ADGRA2: variants seen among roughly 807,000 people sequenced by gnomAD.
The protein encoded by ADGRA2 is G-protein coupled receptor 124.
A neutral mutation model predicts 98.7 loss-of-function variants in ADGRA2; 61 were observed. That is an observed-to-expected ratio of 0.62 (90% CI 0.50 to 0.76). ADGRA2 has a LOEUF of 0.76. ADGRA2 is among the 30% of genes least tolerant of loss of function. The probability of loss-of-function intolerance (pLI) is 0.00; values close to 1 mark genes in which losing one functional copy is unlikely to be tolerated. For missense variants in ADGRA2, 1,712 were observed against 1,860.0 expected, an observed-to-expected ratio of 0.92 and a Z score of 1.46; for synonymous variants, 858 against 831.5, an observed-to-expected ratio of 1.03 and a Z score of -0.55.
rs548258797 is a variant in ADGRA2 at position 37,817,994 on chromosome 8, G to A, written c.338+3027G>A. The stretch of plus-strand genomic sequence containing the variant: ...ACGCCATTGTACTCATTGTACTCCA[G>A]CCTGGGCAACAGAGCAAGACTCCGT... On this transcript the variant is annotated intron_variant, in intron 2 of 18. Coordinates refer to ENST00000412232, the MANE Select transcript of ADGRA2 (RefSeq NM_032777.10). Among the ~76,000 whole-genome samples the A allele has an allele frequency of 4.0e-4, 61 of 152,300 alleles. 1 individual carries two copies. The East Asian group carries it at 0.011, about 28-fold the overall frequency.
At position 37,840,856 on chromosome 8, in the gene ADGRA2, ACCCCTCCCT is replaced by A; in HGVS notation, c.2747+11_2747+19del. ...ACCGGGACCACAGCCCCTAGTGAGC[ACCCCTCCCT>A]CCCGCCCCAAGCCTACCTACCTAAC... On this transcript the variant is annotated splice_region_variant and intron_variant, in intron 18 of 18. Coordinates refer to ENST00000412232, the MANE Select transcript of ADGRA2 (RefSeq NM_032777.10). 6.7e-7 allele frequency: 1 copy of A among 1,483,354 alleles called. No homozygotes were observed. The highest frequency in any genetic ancestry group is 9.4e-7 in the Non-Finnish European group (1 of 1,067,530). The allele number at this position is 1,483,354 out of a possible 1,614,324, so 91.9% of individuals were successfully genotyped here. A position where few individuals can be genotyped will look rare whatever the true frequency, so the allele number is the denominator to read the frequency against.
At chr8:37,831,367 G>T in intron 7 of ADGRA2, 56 bp from the exon 8 acceptor site, 1 of 1,562,218 alleles carries the variant, frequency 6.4e-7, no homozygotes, top group Non-Finnish European at 8.7e-7. Flanking sequence ...CTGAGGGAGG[G>T]CAACGTGGCT....
Position 37,844,715 on chromosome 8 carries a change from TA to T in ADGRA2, c.*2363del. The T allele has an allele frequency of 6.2e-7, 1 of 1,613,872 alleles. No individual in the cohort carries two copies. The highest frequency in any genetic ancestry group is 8.5e-7 in the Non-Finnish European group (1 of 1,179,984). ...GACTGGCCGGCCGCTTCCCCTGGGG[TA>T]AACCTAAGGAATTATTTCCCACCTC... On this transcript the variant is annotated 3_prime_UTR_variant, in exon 19 of 19. Transcript: ENST00000412232.
At chr8:37,806,526 C>CTTTTTCTTTTTTTTTTTTTTTTT (rs756594430) in intron 1 of ADGRA2, among the ~76,000 whole-genome samples, 1 of 100,356 alleles carries the variant, frequency 1.0e-5, no homozygotes, top group Non-Finnish European at 1.9e-5. Context: ...TTTTCTTTTT[C>CTTTTTCTTTTTTTTTTTTTTTTT]TTTTTTTTTT....
rs767208463 is a variant in ADGRA2 at position 37,797,446 on chromosome 8, G to C, written c.178G>C (p.Gly60Arg). 4.2e-6 allele frequency: 6 copies of C among 1,413,066 alleles called. No homozygotes were observed. The highest frequency in any genetic ancestry group is 5.5e-6 in the Non-Finnish European group (6 of 1,082,478). 87.5% of individuals were successfully genotyped at this position (1,413,066 alleles called of 1,614,324 possible). ...RPKGLSGGVP[G>R]PARRRVVCSG... ...CAAGGGGCTGAGCGGCGGCGTCCCT[G>C]GCCCGGCTCGGCGGAGGGTGGTGTG... The change falls in exon 1 of 19, where the codon GGC becomes CGC. Residue 60 changes from glycine to arginine, a missense_variant. By Grantham distance (125) the Gly-to-Arg change is moderately radical. Coordinates refer to ENST00000412232, the MANE Select transcript of ADGRA2 (RefSeq NM_032777.10). This position sits in a 1 kb window ranked among gnomAD's most constrained non-coding sequence, Gnocchi z 5.3.
intron 12 of ADGRA2, 63 bp from the exon 13 acceptor site, chr8:37,835,491 G>A (rs1805583069): frequency 1.3e-6 from 2 of 1,487,004 alleles, no homozygotes; most frequent in African/African-American, 1.4e-5. Context: ...GGAGGAGGGG[G>A]CTGCAAGACA....
Position 37,833,966 on chromosome 8 carries a change from G to A in ADGRA2, c.1447-1G>A. 1 of 1,611,248 alleles carries A rather than the reference G, an allele frequency of 6.2e-7. No individual in the cohort carries two copies. The highest frequency in any genetic ancestry group is 8.5e-7 in the Non-Finnish European group (1 of 1,178,288). On this transcript the variant is annotated splice_acceptor_variant, in intron 10 of 18. Transcript: ENST00000412232. LOFTEE classifies it high-confidence loss of function. ...CCTCAGCAACTTCCCTGTCCCCCCA[G>A]CTGGTAGAGGTGATGGTGGACATGG... is the stretch of plus-strand genomic sequence containing the variant.
At chr8:37,799,779 C>T (rs922166526) in intron 1 of ADGRA2, among the ~76,000 whole-genome samples, 2 of 152,174 alleles carry the variant, frequency 1.3e-5, no homozygotes, top group African/African-American at 4.8e-5. Context: ...TGGACTTCCC[C>T]ACAGGGACAC....
Position 37,830,966 on chromosome 8 carries a change from A to AG in ADGRA2, c.932+47dup. The AG allele has an allele frequency of 2.1e-6, 3 of 1,448,374 alleles. No individual in the cohort carries two copies. Among genetic ancestry groups the AG allele is most frequent in the Non-Finnish European group, 2.8e-6 (3 of 1,058,702 alleles). The allele number at this position is 1,448,374 out of a possible 1,614,324, so 89.7% of individuals were successfully genotyped here. A position where few individuals can be genotyped will look rare whatever the true frequency, so the allele number is the denominator to read the frequency against. ...CCTCCTCAGGCCTCAGCATGGGGTT[A>AG]GGGGACCTACCCTACCCGTCACCAC... is the stretch of plus-strand genomic sequence containing the variant. On this transcript the variant is annotated intron_variant, in intron 7 of 18. Coordinates refer to ENST00000412232, the MANE Select transcript of ADGRA2 (RefSeq NM_032777.10). This position sits in a 1 kb window ranked among gnomAD's most constrained non-coding sequence, Gnocchi z 4.8.
Position 37,844,129 on chromosome 8 carries a change from C to G in ADGRA2, c.*1774C>G, listed in dbSNP as rs1403277878. 4.1e-6 allele frequency: 1 copy of G among 245,886 alleles called. No individual in the cohort carries two copies. Among genetic ancestry groups the G allele is most frequent in the African/African-American group, 2.2e-5 (1 of 45,698 alleles). 15.2% of individuals were successfully genotyped at this position (245,886 alleles called of 1,614,324 possible). A position where few individuals can be genotyped will look rare whatever the true frequency, so the allele number is the denominator to read the frequency against. On this transcript the variant is annotated 3_prime_UTR_variant, in exon 19 of 19. Coordinates refer to ENST00000412232, the MANE Select transcript of ADGRA2 (RefSeq NM_032777.10). Reference sequence around the variant, plus strand: ...ATACTGCTGGGAATGCCAACCACTCCACAAGCAGAGGGAAGCCCCCTCAGG... The same window carrying G: ...ATACTGCTGGGAATGCCAACCACTCGACAAGCAGAGGGAAGCCCCCTCAGG...
intron 1 of ADGRA2, among the ~76,000 whole-genome samples, chr8:37,810,998 C>G (rs111613164): frequency 6.6e-6 from 1 of 151,168 alleles, no homozygotes; most frequent in East Asian, 2.0e-4. Flanking sequence ...CCTGTAGTCC[C>G]GGCTACTCAA....
Position 37,841,331 on chromosome 8 carries a change from C to G in ADGRA2, c.2993C>G (p.Ala998Gly), listed in dbSNP as rs942415743. 6.2e-6 allele frequency: 10 copies of G among 1,606,268 alleles called. 1 individual carries two copies. In the Admixed American group the frequency reaches 1.7e-4, roughly 27 times the overall value. The part of the protein sequence containing the change: ...DSGSLLATGS[A>G]RVGTPGPPED... ...GGTTCCCTTCTTGCTACTGGGAGCG[C>G]GCGAGTGGGGACGCCCGGGCCCCCG... is the stretch of plus-strand genomic sequence containing the variant. Residue 998 changes from alanine to glycine, a missense_variant, in exon 19 of 19, where the codon GCG (alanine) becomes GGG (glycine). Transcript: ENST00000412232. The surrounding 1 kb of genome is among the most constrained non-coding windows in gnomAD (Gnocchi z 5.0).
intron 1 of ADGRA2, among the ~76,000 whole-genome samples, chr8:37,807,645 G>T (rs1230579640): frequency 6.6e-6 from 1 of 152,170 alleles, no homozygotes; most frequent in Non-Finnish European, 1.5e-5. Flanking sequence ...GGGCTTTTTG[G>T]CATCAGCAAG....
chr8:37,842,582 C>CT lies in ADGRA2; in HGVS notation c.*228dup. Reference sequence around the variant, plus strand: ...ACATTTCCGTCCAGCCCGGGGCAGTCTGACTGTCGGTGCCCTCCCAGGAAC... The same window carrying CT: ...ACATTTCCGTCCAGCCCGGGGCAGTCTTGACTGTCGGTGCCCTCCCAGGAAC... On this transcript the variant is annotated 3_prime_UTR_variant, in exon 19 of 19. Coordinates refer to ENST00000412232, the MANE Select transcript of ADGRA2 (RefSeq NM_032777.10). The CT allele has an allele frequency of 1.4e-6, 1 of 704,700 alleles. No homozygotes were observed. Among genetic ancestry groups the CT allele is most frequent in the Non-Finnish European group, 2.0e-6 (1 of 495,132 alleles). 43.7% of individuals were successfully genotyped at this position (704,700 alleles called of 1,614,324 possible).
chr8:37,832,647 G>A (rs1805490319), intron 8 of ADGRA2, among the ~76,000 whole-genome samples: 1 of 152,162 alleles, frequency 6.6e-6, no homozygotes, highest in African/African-American at 2.4e-5. Flanking sequence ...CCCACAAAGA[G>A]TATCACCTTT....
chr8:37,838,005 G>C lies in ADGRA2; in HGVS notation c.2259+66G>C. On this transcript the variant is annotated intron_variant, in intron 14 of 18. Transcript: ENST00000412232. ...ACGGGCTGGGTGGAAAATGGGGGTG[G>C]GTGTACTCTGACCATTTGGGACCAT... 2.4e-6 allele frequency: 3 copies of C among 1,269,470 alleles called. No homozygotes were observed. In the South Asian group the frequency reaches 4.7e-5, roughly 20 times the overall value. 78.6% of individuals were successfully genotyped at this position (1,269,470 alleles called of 1,614,324 possible). A position where few individuals can be genotyped will look rare whatever the true frequency, so the allele number is the denominator to read the frequency against.
In ADGRA2 at chr8:37,808,024, G is replaced by A. The variant is rs1034354810; in HGVS notation, c.267-6872G>A. 5.3e-5 allele frequency among the ~76,000 whole-genome samples: 8 copies of A among 152,310 alleles called. No individual in the cohort carries two copies. The South Asian group carries it at 6.2e-4, about 12-fold the overall frequency. ...GAGCCCACAGAGCCTCTCTGTAGAC[G>A]CCAGCCGCTTGCTCCCTTGGCCTCC... On this transcript the variant is annotated intron_variant, in intron 1 of 18. Coordinates refer to ENST00000412232, the MANE Select transcript of ADGRA2 (RefSeq NM_032777.10).
At position 37,837,901 on chromosome 8, in the gene ADGRA2, C is replaced by A; in HGVS notation, c.2221C>A (p.Leu741Met). 6.8e-7 allele frequency: 1 copy of A among 1,475,226 alleles called. No homozygotes were observed. The highest frequency in any genetic ancestry group is 9.0e-7 in the Non-Finnish European group (1 of 1,112,120). The allele number at this position is 1,475,226 out of a possible 1,614,324, so 91.4% of individuals were successfully genotyped here. ...CTCCAGCCAGCCCAATGTCAGCGCCCTGCACTGCCAGCACTTGGGCAATGT... is the reference window on the plus strand; with the variant it reads ...CTCCAGCCAGCCCAATGTCAGCGCCATGCACTGCCAGCACTTGGGCAATGT... ...LRSSQPNVSA[L>M]HCQHLGNVAV... is the part of the protein sequence containing the mutation. The change falls in exon 14 of 19, where the codon CTG becomes ATG. Residue 741 changes from leucine to methionine, a missense_variant. Coordinates refer to ENST00000412232, the MANE Select transcript of ADGRA2 (RefSeq NM_032777.10).
At position 37,841,358 on chromosome 8, in the gene ADGRA2, A is replaced by G; in HGVS notation, c.3020A>G (p.Glu1007Gly). ...CGAGTGGGGACGCCCGGGCCCCCGG[A>G]GGATGGTGACAGCCTCTATTCTCCG... ...SARVGTPGPP[E>G]DGDSLYSPGV... is the part of the protein sequence containing the mutation. The change falls in exon 19 of 19, where the codon GAG becomes GGG. Residue 1007 changes from glutamate to glycine, a missense_variant. By Grantham distance (98) the Glu-to-Gly change is moderately conservative (BLOSUM62 -2). Coordinates refer to ENST00000412232, the MANE Select transcript of ADGRA2 (RefSeq NM_032777.10). This position sits in a 1 kb window ranked among gnomAD's most constrained non-coding sequence, Gnocchi z 5.0. The G allele has an allele frequency of 1.2e-6, 2 of 1,607,742 alleles. No homozygotes were observed. Among genetic ancestry groups the G allele is most frequent in the Middle Eastern group, 3.3e-4 (2 of 6,052 alleles).
Sources: allele counts gnomAD v4.1 joint callset (sites outside exome capture counted in the v4.1 genomes callset), GRCh38; gene constraint gnomAD v4.1.1; non-coding constraint Gnocchi (gnomAD v3.1); transcripts MANE v1.5; gene names NCBI Gene and HGNC (gene_info 2026-07-23, HGNC 2026-07-21).